The following TFDP2 variants were observed in gnomAD, a reference collection of about 807,000 sequenced individuals.
TFDP2 encodes transcription factor Dp-2 (E2F dimerization partner 2).
A neutral mutation model predicts 59.3 loss-of-function variants in TFDP2; 17 were observed. The observed-to-expected ratio is 0.29, with a 90% confidence interval of 0.20 to 0.43. The LOEUF (loss-of-function observed/expected upper bound fraction) is 0.43, where lower values mean the gene tolerates loss of function less well. TFDP2 is among the 20% of genes least tolerant of loss of function. The pLI, the probability that TFDP2 is intolerant of heterozygous loss-of-function variation, is 1.00. For synonymous variants in TFDP2, 180 were observed against 194.7 expected, an observed-to-expected ratio of 0.92 and a Z score of 0.63; for missense variants, 391 against 528.8, an observed-to-expected ratio of 0.74 and a Z score of 2.56.
chr3:142,067,431 C>G (rs2060109001), intron 3 of TFDP2, among the ~76,000 whole-genome samples: 1 of 151,044 alleles, frequency 6.6e-6, no homozygotes, highest in Admixed American at 6.6e-5. Flanking sequence ...TATATAAGAT[C>G]TCTGGGGGAA....
chr3:142,144,567 G>A (rs374416876), intron 1 of TFDP2, among the ~76,000 whole-genome samples: 2 of 151,976 alleles, frequency 1.3e-5, no homozygotes, highest in African/African-American at 4.8e-5. Flanking sequence ...TTAGAGATAG[G>A]GTCTCACTCT....
intron 7 of TFDP2, among the ~76,000 whole-genome samples, chr3:141,975,689 G>A (rs1940528213): frequency 9.1e-6 from 1 of 109,808 alleles, no homozygotes. Context: ...GCTAGACTCT[G>A]TCTCAAAAAA....
In TFDP2 at chr3:142,117,420, G is replaced by GA. The variant is rs202191220; in HGVS notation, c.-92-15580dup. On this transcript the variant is annotated intron_variant, in intron 1 of 12. Coordinates refer to ENST00000489671, the MANE Select transcript of TFDP2 (RefSeq NM_001178139.2). ...CTTCAAATTACCTATAAGTCAAGCA[G>GA]AAAAAAAAAAAAAGCAGCAAATAGC... Among the ~76,000 whole-genome samples, 456 of 127,022 alleles carry GA rather than the reference G, an allele frequency of 3.6e-3. 3 individuals carry two copies. Among genetic ancestry groups the GA allele is most frequent in the African/African-American group, 4.4e-3 (151 of 34,676 alleles). 83.3% of individuals were successfully genotyped at this position (127,022 alleles called of 152,430 possible). A position where few individuals can be genotyped will look rare whatever the true frequency, so the allele number is the denominator to read the frequency against.
intron 11 of TFDP2, among the ~76,000 whole-genome samples, chr3:141,954,362 G>A (rs762600931): frequency 3.3e-5 from 5 of 151,122 alleles, no homozygotes; most frequent in South Asian, 2.1e-4. Flanking sequence ...TAAATGTGGC[G>A]GGGCGCGGTG....
At chr3:141,968,922 AACAC>A (rs1187632574) in intron 9 of TFDP2, among the ~76,000 whole-genome samples, 1 of 98,882 alleles carries the variant, frequency 1.0e-5, no homozygotes, top group Non-Finnish European at 1.9e-5. Flanking sequence ...AGATATATAT[AACAC>A]ATATATATCT....
chr3:141,978,497 T>G (rs766243309), intron 7 of TFDP2, 23 bp downstream of exon 7: 1 of 1,597,018 alleles, frequency 6.3e-7, no homozygotes. Flanking sequence ...TCAAAATCAA[T>G]GTCAGGTTCA....
At chr3:141,969,987 G>C in intron 9 of TFDP2, 86 bp downstream of exon 9, 1 of 1,321,592 alleles carries the variant, frequency 7.6e-7, no homozygotes. Context: ...ACCACTCAGA[G>C]GCACCACAAT....
chr3:142,121,387 C>T lies in TFDP2; in HGVS notation c.-92-19546G>A, dbSNP rs1405674988. 6.6e-6 allele frequency among the ~76,000 whole-genome samples: 1 copy of T among 152,038 alleles called. No individual in the cohort carries two copies. The highest frequency in any genetic ancestry group is 1.5e-5 in the Non-Finnish European group (1 of 68,026). Reference sequence around the variant, plus strand: ...CGACACTAGACAGATATTCGGGGCACTATGGAAGCACAAAGGAACAGCTTC... The same window carrying T: ...CGACACTAGACAGATATTCGGGGCATTATGGAAGCACAAAGGAACAGCTTC... On this transcript the variant is annotated intron_variant, in intron 1 of 12. Coordinates refer to ENST00000489671, the MANE Select transcript of TFDP2 (RefSeq NM_001178139.2). The surrounding 1 kb of genome is among the most constrained non-coding windows in gnomAD (Gnocchi z 4.3).
chr3:141,995,528 A>C (rs1943187697), intron 4 of TFDP2, among the ~76,000 whole-genome samples: 2 of 152,216 alleles, frequency 1.3e-5, no homozygotes, highest in Admixed American at 1.3e-4. Flanking sequence ...AGTCCATCAT[A>C]CAGTATACAC....
chr3:142,009,972 A>C (rs1028439852), intron 3 of TFDP2, among the ~76,000 whole-genome samples: 22 of 152,014 alleles, frequency 1.4e-4, no homozygotes, highest in African/African-American at 4.8e-4. Context: ...TAGAAGAAAA[A>C]ATATAATAAT....
At chr3:142,131,295 A>T (rs186243285) in intron 1 of TFDP2, among the ~76,000 whole-genome samples, 4 of 150,324 alleles carry the variant, frequency 2.7e-5, no homozygotes, top group Admixed American at 2.0e-4. Flanking sequence ...TTCATAACAT[A>T]ATTTATAAAC....
chr3:142,007,195 C>T (rs1289260126), intron 3 of TFDP2, among the ~76,000 whole-genome samples: 1 of 152,182 alleles, frequency 6.6e-6, no homozygotes, highest in Non-Finnish European at 1.5e-5. Context: ...TTCAGTTTTT[C>T]TGCCCATTTG....
At chr3:142,096,847 T>C (rs539493246) in intron 2 of TFDP2, among the ~76,000 whole-genome samples, 53 of 152,284 alleles carry the variant, frequency 3.5e-4, no homozygotes, top group Non-Finnish European at 5.7e-4. Context: ...ATGGGAATGA[T>C]AGAACGTATG....
intron 7 of TFDP2, among the ~76,000 whole-genome samples, chr3:141,974,935 A>T (rs1468514100): frequency 1.1e-5 from 1 of 90,016 alleles, no homozygotes; most frequent in African/African-American, 6.1e-5. Flanking sequence ...TTTTTTTGAG[A>T]CAGTGTCTCG....
rs1008981752 is a variant in TFDP2 at position 141,946,410 on chromosome 3, G to T, written c.*6103C>A. 6.6e-6 allele frequency: 1 copy of T among 152,238 alleles called. No homozygotes were observed. The highest frequency in any genetic ancestry group is 2.4e-5 in the African/African-American group (1 of 41,452). 9.4% of individuals were successfully genotyped at this position (152,238 alleles called of 1,614,324 possible). A position where few individuals can be genotyped will look rare whatever the true frequency, so the allele number is the denominator to read the frequency against. The stretch of plus-strand genomic sequence containing the variant: ...AACAGGCCTTTTTTGTAAAGCAAAA[G>T]GTAAGATGACAAGATCCGGTCTTGT... On this transcript the variant is annotated 3_prime_UTR_variant, in exon 13 of 13. Coordinates refer to ENST00000489671, the MANE Select transcript of TFDP2 (RefSeq NM_001178139.2).
chr3:142,040,817 T>G (rs1389610701), intron 3 of TFDP2, among the ~76,000 whole-genome samples: 1 of 151,886 alleles, frequency 6.6e-6, no homozygotes, highest in Non-Finnish European at 1.5e-5. Flanking sequence ...GGGAGGAAAA[T>G]CACTTGAGCC....
intron 7 of TFDP2, among the ~76,000 whole-genome samples, chr3:141,974,600 C>T (rs1036079822): frequency 6.6e-6 from 1 of 151,974 alleles, no homozygotes; most frequent in Non-Finnish European, 1.5e-5. Flanking sequence ...ATAATAATGC[C>T]TTATGGAGTC....
intron 8 of TFDP2, among the ~76,000 whole-genome samples, chr3:141,972,220 C>A (rs1367699839): frequency 6.6e-6 from 1 of 152,060 alleles, no homozygotes; most frequent in African/African-American, 2.4e-5. Context: ...CAAGCCAGGC[C>A]CCTTACCTGT....
At chr3:142,142,016 G>A (rs1176540173) in intron 1 of TFDP2, among the ~76,000 whole-genome samples, 11 of 152,120 alleles carry the variant, frequency 7.2e-5, no homozygotes, top group Admixed American at 7.2e-4. Flanking sequence ...AAACTAGAAA[G>A]CCTTTCCTCA....
Sources: gnomAD v4.1 joint callset for allele counts (sites outside exome capture counted in the v4.1 genomes callset) on GRCh38, gnomAD v4.1.1 for gene constraint, Gnocchi (gnomAD v3.1) non-coding constraint, MANE v1.5 for transcripts, NCBI Gene and HGNC (gene_info 2026-07-23, HGNC 2026-07-21) for gene names.